The following SYN3 variants were observed in gnomAD, a reference collection of about 807,000 sequenced individuals.
SYN3 encodes synapsin-3.
In SYN3, 35 loss-of-function variants were observed where a neutral mutation model predicts 65.8. The ratio of observed to expected loss-of-function variants is 0.53; its 90% CI spans 0.41 to 0.70. The LOEUF is 0.70. SYN3 is among the 30% of genes least tolerant of loss of function. The pLI is 0.00. For missense variants in SYN3, 680 were observed against 749.0 expected, an observed-to-expected ratio of 0.91 and a Z score of 1.08; for synonymous variants, 270 against 292.9, an observed-to-expected ratio of 0.92 and a Z score of 0.80.
At chr22:32,979,135 T>G (rs1486967515) in intron 3 of SYN3, among the ~76,000 whole-genome samples, 1 of 149,772 alleles carries the variant, frequency 6.7e-6, no homozygotes, top group Non-Finnish European at 1.5e-5. Context: ...AGACAGAGGT[T>G]GCAGTTCACT....
rs764793801 is a variant in SYN3, at chr22:32,528,788, C to A, written c.1230+86G>T. 5.7e-6 allele frequency: 9 copies of A among 1,567,904 alleles called. No homozygotes were observed. In the East Asian group the frequency reaches 1.8e-4, roughly 32 times the overall value. On this transcript the variant is annotated intron_variant, in intron 11 of 13. Coordinates refer to ENST00000358763, the MANE Select transcript of SYN3 (RefSeq NM_003490.4). ...CAAGGTGGTTTCTTCCTGGGGGTATCCCCTTTGGATCCAGGGGCTCCCCAT... is the reference window on the plus strand; with the variant it reads ...CAAGGTGGTTTCTTCCTGGGGGTATACCCTTTGGATCCAGGGGCTCCCCAT...
intron 6 of SYN3, among the ~76,000 whole-genome samples, chr22:32,834,160 T>TC (rs1341299688): frequency 6.6e-6 from 1 of 151,854 alleles, no homozygotes; most frequent in Non-Finnish European, 1.5e-5. Context: ...AGCCCAGCTT[T>TC]TTTTTTTTTG....
chr22:32,555,245 C>T (rs945483713), intron 7 of SYN3, among the ~76,000 whole-genome samples: 3 of 152,120 alleles, frequency 2.0e-5, no homozygotes, highest in Non-Finnish European at 4.4e-5. Context: ...CATCCTCTTA[C>T]GAAAGCTGAA....
intron 4 of SYN3, among the ~76,000 whole-genome samples, chr22:32,882,365 T>C (rs151297692): frequency 6.6e-6 from 1 of 152,316 alleles, no homozygotes; most frequent in African/African-American, 2.4e-5. Context: ...ACAGGAGTCC[T>C]TAAAAGTACC....
intron 10 of SYN3, among the ~76,000 whole-genome samples, chr22:32,531,467 T>C (rs2058070186): frequency 6.6e-6 from 1 of 152,164 alleles, no homozygotes; most frequent in African/African-American, 2.4e-5. Context: ...ATCCCCACGG[T>C]AGAGACAGCC....
At chr22:32,516,596 TCAGG>T (rs2057781080) in intron 13 of SYN3, among the ~76,000 whole-genome samples, 1 of 151,964 alleles carries the variant, frequency 6.6e-6, no homozygotes, top group Non-Finnish European at 1.5e-5. Flanking sequence ...ACCCCTGACC[TCAGG>T]TGGGATCCAC....
intron 4 of SYN3, among the ~76,000 whole-genome samples, chr22:32,915,868 A>T (rs908932512): frequency 5.3e-5 from 8 of 152,160 alleles, no homozygotes; most frequent in African/African-American, 1.9e-4. Flanking sequence ...GAACAGATTG[A>T]AGGGGGAAAT....
chr22:33,039,801 T>C (rs1337546104), intron 1 of SYN3, among the ~76,000 whole-genome samples: 1 of 152,180 alleles, frequency 6.6e-6, no homozygotes, highest in Non-Finnish European at 1.5e-5. Context: ...TAACATATTA[T>C]ATATTTACTT....
intron 4 of SYN3, among the ~76,000 whole-genome samples, chr22:32,888,512 G>C (rs1173657568): frequency 6.6e-6 from 1 of 152,196 alleles, no homozygotes; most frequent in African/African-American, 2.4e-5. Context: ...AGATTCGACT[G>C]TCAGTCTTTT....
At chr22:32,725,449 A>C (rs1398620251) in intron 6 of SYN3, among the ~76,000 whole-genome samples, 1 of 152,248 alleles carries the variant, frequency 6.6e-6, no homozygotes, top group Non-Finnish European at 1.5e-5. Context: ...CCTAATTCCC[A>C]GAGCCAGTAA....
rs370802078 is a variant in SYN3 at position 32,707,011 on chromosome 22, C to T, written c.712-110275G>A. ...GTGTCAGCATACTCACATTTAAATG[C>T]TTGCTCACCCTTTAAGATGATGTCC... On this transcript the variant is annotated intron_variant, in intron 6 of 13. Coordinates refer to ENST00000358763, the MANE Select transcript of SYN3 (RefSeq NM_003490.4). Among the ~76,000 whole-genome samples, 51 of 152,332 alleles carry T rather than the reference C, an allele frequency of 3.3e-4. 1 individual carries two copies. In the South Asian group the frequency reaches 0.01, roughly 30 times the overall value.
At chr22:32,964,280 T>G (rs1601799676) in intron 3 of SYN3, among the ~76,000 whole-genome samples, 2 of 66,650 alleles carry the variant, frequency 3.0e-5, no homozygotes, top group East Asian at 5.0e-4. Flanking sequence ...GGGCCTGTTG[T>G]GGGGTGGGGG....
rs917738213 is a variant in SYN3, at chr22:32,545,837, A to G, written c.775-4124T>C. Among the ~76,000 whole-genome samples, 3 of 152,232 alleles carry G rather than the reference A, an allele frequency of 2.0e-5. No individual in the cohort carries two copies. The East Asian group carries it at 5.8e-4, about 29-fold the overall frequency. ...CAGCCTCCTAAAATGTTGGGATTAC[A>G]GGCGTGAGCCCGGGTATCTTATACA... On this transcript the variant is annotated intron_variant, in intron 7 of 13. Coordinates refer to ENST00000358763, the MANE Select transcript of SYN3 (RefSeq NM_003490.4).
At chr22:32,540,321 T>C (rs1329647145) in intron 8 of SYN3, among the ~76,000 whole-genome samples, 1 of 152,160 alleles carries the variant, frequency 6.6e-6, no homozygotes, top group Non-Finnish European at 1.5e-5. Flanking sequence ...CGGCCTGTGG[T>C]TGTGGTTTGC....
At chr22:32,906,224 G>A (rs1156494596) in intron 4 of SYN3, among the ~76,000 whole-genome samples, 2 of 152,156 alleles carry the variant, frequency 1.3e-5, no homozygotes, top group Non-Finnish European at 2.9e-5. Flanking sequence ...GTGTGCTCCT[G>A]GGACCCTCTG....
chr22:33,022,061 T>C (rs980673021), intron 1 of SYN3, among the ~76,000 whole-genome samples: 2 of 152,216 alleles, frequency 1.3e-5, no homozygotes, highest in Admixed American at 1.3e-4. Context: ...CACATAAACC[T>C]AAGTTGAACG....
intron 12 of SYN3, among the ~76,000 whole-genome samples, chr22:32,520,636 C>T (rs375790137): frequency 5.3e-5 from 8 of 152,202 alleles, no homozygotes; most frequent in Non-Finnish European, 8.8e-5. Context: ...TAAGAAAAGG[C>T]GGCTTCCTTC....
chr22:32,532,258 G>A (rs1431614806), intron 10 of SYN3, among the ~76,000 whole-genome samples: 5 of 152,308 alleles, frequency 3.3e-5, no homozygotes, highest in Non-Finnish European at 5.9e-5. Context: ...GGTGGTCCCC[G>A]TGAGGGGATG....
intron 4 of SYN3, among the ~76,000 whole-genome samples, chr22:32,895,926 C>T (rs952236767): frequency 1.3e-5 from 2 of 152,112 alleles, no homozygotes; most frequent in Non-Finnish European, 2.9e-5. Flanking sequence ...CATACTAGTA[C>T]TATTAATATT....
Sources: gnomAD v4.1 joint callset for allele counts (sites outside exome capture counted in the v4.1 genomes callset) on GRCh38, gnomAD v4.1.1 for gene constraint, MANE v1.5 for transcripts, NCBI Gene and HGNC (gene_info 2026-07-23, HGNC 2026-07-21) for gene names.